Variants in EDIL3 observed in about 807,000 individuals in gnomAD.
EDIL3 encodes the protein EGF-like repeat and discoidin I-like domain-containing protein 3.
EDIL3 carries 37 observed loss-of-function variants against 67.4 expected under a neutral mutation model. The observed-to-expected ratio is 0.55, with a 90% CI of 0.42 to 0.72. The LOEUF is 0.72. Ranked by LOEUF, EDIL3 falls within the 30% of genes least tolerant of loss-of-function variation. The pLI, the probability that EDIL3 is intolerant of heterozygous loss-of-function variation, is 0.00. For missense variants in EDIL3, 527 were observed against 586.3 expected (o/e 0.90, Z 1.04); for synonymous variants, 195 against 196.3 (o/e 0.99, Z 0.05).
chr5:84,072,017 C>A (rs1195412953), intron 6 of EDIL3, among the ~76,000 whole-genome samples: 1 of 152,026 alleles, frequency 6.6e-6, no homozygotes, highest in Non-Finnish European at 1.5e-5. Context: ...AAATTTAGAT[C>A]ATTGCCTATC....
At chr5:84,212,804 A>G (rs1333558546) in intron 3 of EDIL3, among the ~76,000 whole-genome samples, 1 of 152,282 alleles carries the variant, frequency 6.6e-6, no homozygotes, top group Middle Eastern at 3.4e-3. Context: ...ATGTGATGGG[A>G]TATTAAACCC....
intron 1 of EDIL3, among the ~76,000 whole-genome samples, chr5:84,259,479 T>G (rs1307892051): frequency 1.3e-5 from 2 of 152,246 alleles, no homozygotes; most frequent in Non-Finnish European, 2.9e-5. Flanking sequence ...AATTTGATTC[T>G]AACCATGTTT....
At chr5:84,014,560 G>C (rs1035311539) in intron 9 of EDIL3, among the ~76,000 whole-genome samples, 1 of 152,074 alleles carries the variant, frequency 6.6e-6, no homozygotes, top group African/African-American at 2.4e-5. Flanking sequence ...CAGAAGAATC[G>C]CTTGAACCCA....
chr5:84,130,162 C>T (rs1337855872), intron 5 of EDIL3, among the ~76,000 whole-genome samples: 1 of 152,138 alleles, frequency 6.6e-6, no homozygotes, highest in Non-Finnish European at 1.5e-5. Context: ...CTAACTCCCC[C>T]AAACAAAAGG....
At chr5:83,953,657 AGTTTGGTCCTCT>A (rs1320667805) in intron 10 of EDIL3, among the ~76,000 whole-genome samples, 2 of 151,728 alleles carry the variant, frequency 1.3e-5, no homozygotes, top group East Asian at 3.9e-4. Flanking sequence ...CAGTTTTCTG[AGTTTGGTCCTCT>A]GCTCACAGCT....
At chr5:84,028,832 T>A (rs1464344624) in intron 9 of EDIL3, among the ~76,000 whole-genome samples, 1 of 152,056 alleles carries the variant, frequency 6.6e-6, no homozygotes, top group Admixed American at 6.6e-5. Flanking sequence ...CATGATATGG[T>A]TTGGCTGTGT....
At chr5:84,246,427 C>T (rs981575003) in intron 2 of EDIL3, among the ~76,000 whole-genome samples, 8 of 152,194 alleles carry the variant, frequency 5.3e-5, no homozygotes, top group African/African-American at 1.9e-4. Context: ...AAAGATGTTC[C>T]AGAGATGAAT....
chr5:83,984,160 T>A (rs1234340485), intron 9 of EDIL3, among the ~76,000 whole-genome samples: 3 of 151,228 alleles, frequency 2.0e-5, no homozygotes, highest in Admixed American at 2.0e-4. Context: ...GACCCAAGAG[T>A]GAAAAAAGTC....
chr5:84,066,350 T>C, intron 7 of EDIL3, 101 bp downstream of exon 7: 1 of 1,308,362 alleles, frequency 7.6e-7, no homozygotes, highest in Non-Finnish European at 1.0e-6. Context: ...GGTAATTTAT[T>C]TTCATCAACA....
chr5:84,001,248 C>T (rs1745325771), intron 9 of EDIL3, among the ~76,000 whole-genome samples: 1 of 151,964 alleles, frequency 6.6e-6, no homozygotes, highest in Non-Finnish European at 1.5e-5. Flanking sequence ...GAGGTTTCAC[C>T]ATGTAGGCCC....
chr5:84,121,747 G>T (rs150735606), intron 5 of EDIL3, among the ~76,000 whole-genome samples: 1 of 151,972 alleles, frequency 6.6e-6, no homozygotes, highest in African/African-American at 2.4e-5. Context: ...CCTTTTCTTC[G>T]CTGTCCCAGC....
Position 84,063,665 on chromosome 5 carries a change from C to T in EDIL3, c.952+1035G>A, listed in dbSNP as rs546491343. On this transcript the variant is annotated intron_variant, in intron 8 of 10. Transcript: ENST00000296591. Reference sequence around the variant, plus strand: ...GGAAGAGAAACAGATATAAAGTATGCGCTTTAACCTATAGGCAACCTCTTG... The same window carrying T: ...GGAAGAGAAACAGATATAAAGTATGTGCTTTAACCTATAGGCAACCTCTTG... Among the ~76,000 whole-genome samples, 17 of 152,136 alleles carry T rather than the reference C, an allele frequency of 1.1e-4. No homozygotes were observed. The South Asian group carries it at 2.5e-3, about 22-fold the overall frequency.
At chr5:84,194,621 C>A (rs1743662878) in intron 3 of EDIL3, among the ~76,000 whole-genome samples, 1 of 151,806 alleles carries the variant, frequency 6.6e-6, no homozygotes, top group Admixed American at 6.6e-5. Context: ...AGCTATTGAA[C>A]ACAATTCATT....
At chr5:84,287,416 C>G (rs561304900) in intron 1 of EDIL3, among the ~76,000 whole-genome samples, 2 of 152,166 alleles carry the variant, frequency 1.3e-5, no homozygotes, top group East Asian at 3.9e-4. Context: ...TTGAAGAAAA[C>G]AACAGTATTG....
chr5:84,142,881 T>TC (rs1748226172), intron 4 of EDIL3, among the ~76,000 whole-genome samples: 1 of 148,972 alleles, frequency 6.7e-6, no homozygotes, highest in South Asian at 2.2e-4. Flanking sequence ...TTTATGTCTT[T>TC]CCCTTGGGCT....
intron 1 of EDIL3, among the ~76,000 whole-genome samples, chr5:84,267,467 C>T (rs370038275): frequency 6.6e-6 from 1 of 152,090 alleles, no homozygotes; most frequent in Non-Finnish European, 1.5e-5. Context: ...AGCGCAGATA[C>T]CAGAATAGAC....
intron 1 of EDIL3, among the ~76,000 whole-genome samples, chr5:84,332,211 TAAAAC>T (rs1188129231): frequency 6.6e-6 from 1 of 151,570 alleles, no homozygotes; most frequent in East Asian, 1.9e-4. Context: ...TTACAAAAAA[TAAAAC>T]AAAAAATTAG....
chr5:84,358,757 C>T (rs1747538732), intron 1 of EDIL3, among the ~76,000 whole-genome samples: 1 of 151,766 alleles, frequency 6.6e-6, no homozygotes, highest in Admixed American at 6.6e-5. Flanking sequence ...CTACAGGCGC[C>T]TGCCACAAGG....
chr5:84,064,320 C>A (rs1746595642), intron 8 of EDIL3, among the ~76,000 whole-genome samples: 1 of 152,104 alleles, frequency 6.6e-6, no homozygotes, highest in South Asian at 2.1e-4. Context: ...ATAGCTTAAC[C>A]TTTACTGCAA....
Sources: allele counts gnomAD v4.1 joint callset (sites outside exome capture counted in the v4.1 genomes callset), GRCh38; gene constraint gnomAD v4.1.1; transcripts MANE v1.5; gene names NCBI Gene and HGNC (gene_info 2026-07-23, HGNC 2026-07-21).